The following NXPH1 variants were observed in gnomAD, a reference collection of about 807,000 sequenced individuals.
NXPH1 encodes the protein neurexophilin 1.
NXPH1 carries 5 observed loss-of-function variants against 23.7 expected under a neutral mutation model. That is an observed-to-expected ratio of 0.21 (90% CI 0.11 to 0.44). The LOEUF (loss-of-function observed/expected upper bound fraction) is 0.44, where lower values mean the gene tolerates loss of function less well. Among genes scored for constraint, NXPH1 ranks in the 20% least tolerant of loss-of-function variants. NXPH1 has a pLI of 0.99. For synonymous variants in NXPH1, 144 were observed against 122.2 expected (o/e 1.18, Z -1.18); for missense variants, 324 against 321.6 (o/e 1.01, Z -0.06).
chr7:8,601,990 G>T (rs1480224876), intron 2 of NXPH1, among the ~76,000 whole-genome samples: 1 of 152,034 alleles, frequency 6.6e-6, no homozygotes, highest in Non-Finnish European at 1.5e-5. Flanking sequence ...ATTTTCTTTT[G>T]CCTCCAATCT....
intron 2 of NXPH1, among the ~76,000 whole-genome samples, chr7:8,677,077 T>C (rs1023531668): frequency 6.6e-6 from 1 of 152,184 alleles, no homozygotes; most frequent in African/African-American, 2.4e-5. Context: ...TGATGTCCTG[T>C]CTGATGTATC....
chr7:8,514,806 CT>C (rs1458741363), intron 2 of NXPH1, among the ~76,000 whole-genome samples: 4 of 152,120 alleles, frequency 2.6e-5, no homozygotes, highest in Admixed American at 2.6e-4. Flanking sequence ...CTTCCTGCCC[CT>C]CCACTCACCT....
At chr7:8,555,689 G>A in intron 2 of NXPH1, among the ~76,000 whole-genome samples, 1 of 151,702 alleles carries the variant, frequency 6.6e-6, no homozygotes, top group East Asian at 2.0e-4. Flanking sequence ...AGGACCCTCT[G>A]CTAGAATTTA....
intron 2 of NXPH1, among the ~76,000 whole-genome samples, chr7:8,440,655 T>C (rs1816281838): frequency 1.3e-5 from 2 of 152,104 alleles, no homozygotes; most frequent in African/African-American, 2.4e-5. Context: ...GTAATAACCG[T>C]CGTCGACAAT....
rs756426431 is a variant in NXPH1 at position 8,736,665 on chromosome 7, T to C, written c.55-14343T>C. On this transcript the variant is annotated intron_variant, in intron 2 of 2. Coordinates refer to ENST00000405863, the MANE Select transcript of NXPH1 (RefSeq NM_152745.3). ...TAGGTCCTCTTGGTCCATAGCTGAG[T>C]TCAAGTCCTGAATATCCTTGTTAGT... 1.2e-4 allele frequency among the ~76,000 whole-genome samples: 18 copies of C among 152,198 alleles called. 1 individual carries two copies. Among genetic ancestry groups the C allele is most frequent in the Non-Finnish European group, 2.1e-4 (14 of 68,026 alleles).
chr7:8,514,051 C>CT (rs1034552994), intron 2 of NXPH1, among the ~76,000 whole-genome samples: 14 of 152,044 alleles, frequency 9.2e-5, no homozygotes, highest in African/African-American at 3.4e-4. Context: ...CCAATTGTTC[C>CT]TTTTTATAAA....
intron 2 of NXPH1, among the ~76,000 whole-genome samples, chr7:8,714,123 G>C (rs1159132528): frequency 6.6e-6 from 1 of 152,180 alleles, no homozygotes; most frequent in East Asian, 1.9e-4. Context: ...CTAAACTACT[G>C]CAGCTGAGCT....
At chr7:8,634,936 T>G (rs1357536094) in intron 2 of NXPH1, among the ~76,000 whole-genome samples, 1 of 152,184 alleles carries the variant, frequency 6.6e-6, no homozygotes, top group Non-Finnish European at 1.5e-5. Context: ...CTGTATAACT[T>G]TCTGCTGTGT....
At chr7:8,527,334 G>A (rs1817878687) in intron 2 of NXPH1, among the ~76,000 whole-genome samples, 1 of 152,190 alleles carries the variant, frequency 6.6e-6, no homozygotes, top group Non-Finnish European at 1.5e-5. Flanking sequence ...CATGATGGCT[G>A]GACAGTAGGC....
At position 8,632,531 on chromosome 7, in the gene NXPH1, T is replaced by C. The variant is rs759352024; in HGVS notation, c.55-118477T>C. On this transcript the variant is annotated intron_variant, in intron 2 of 2. Coordinates refer to ENST00000405863, the MANE Select transcript of NXPH1 (RefSeq NM_152745.3). ...GTTATCCTTTGATTTTTCTCACTTA[T>C]ATGCTTAGCGGCTAGTCTTGTCTAT... is the stretch of plus-strand genomic sequence containing the variant. 2.6e-5 allele frequency among the ~76,000 whole-genome samples: 4 copies of C among 152,330 alleles called. No individual in the cohort carries two copies. In the South Asian group the frequency reaches 6.2e-4, roughly 24 times the overall value.
At chr7:8,720,464 A>G (rs138050337) in intron 2 of NXPH1, among the ~76,000 whole-genome samples, 1 of 152,368 alleles carries the variant, frequency 6.6e-6, no homozygotes, top group East Asian at 1.9e-4. Context: ...AATGATAAAC[A>G]CTATGCAAAT....
At chr7:8,580,058 A>G (rs1468784054) in intron 2 of NXPH1, among the ~76,000 whole-genome samples, 1 of 152,242 alleles carries the variant, frequency 6.6e-6, no homozygotes, top group African/African-American at 2.4e-5. Context: ...ACTAAAAAGC[A>G]TAAAATGGGC....
intron 2 of NXPH1, among the ~76,000 whole-genome samples, chr7:8,734,486 T>C (rs762944537): frequency 2.6e-5 from 4 of 152,232 alleles, no homozygotes; most frequent in Non-Finnish European, 5.9e-5. Flanking sequence ...TTTCACAATA[T>C]TGACTCTTCC....
chr7:8,604,647 A>T (rs577403079), intron 2 of NXPH1, among the ~76,000 whole-genome samples: 2 of 152,136 alleles, frequency 1.3e-5, no homozygotes, highest in Admixed American at 1.3e-4. Context: ...ATAATATTTT[A>T]TCATACTATA....
intron 2 of NXPH1, among the ~76,000 whole-genome samples, chr7:8,459,128 A>G (rs1326822630): frequency 2.0e-5 from 3 of 151,740 alleles, no homozygotes; most frequent in African/African-American, 7.3e-5. Flanking sequence ...TAACTTAATG[A>G]ACATCTTGGG....
At chr7:8,736,170 G>A (rs1205955907) in intron 2 of NXPH1, among the ~76,000 whole-genome samples, 1 of 152,194 alleles carries the variant, frequency 6.6e-6, no homozygotes, top group Admixed American at 6.5e-5. Flanking sequence ...TCTTCTGCTA[G>A]CTTTTGAATT....
At chr7:8,590,574 C>T (rs1374680632) in intron 2 of NXPH1, among the ~76,000 whole-genome samples, 1 of 152,078 alleles carries the variant, frequency 6.6e-6, no homozygotes, top group Admixed American at 6.6e-5. Context: ...AAAGCCATCT[C>T]ATTTTTGCAT....
chr7:8,500,310 TTA>T (rs142537266), intron 2 of NXPH1, among the ~76,000 whole-genome samples: 15,021 of 152,078 alleles, frequency 0.099, 963 homozygotes, highest in Non-Finnish European at 0.14. Context: ...GATAATTTCT[TTA>T]TGTTTGGTGT....
rs540535060 is a variant in NXPH1 at position 8,673,042 on chromosome 7, C to T, written c.55-77966C>T. On this transcript the variant is annotated intron_variant, in intron 2 of 2. Transcript: ENST00000405863. Reference sequence around the variant, plus strand: ...CACTGACATAATTTCTGTTACAAAACGAGGTGATATATTGAAAACATCTTA... The same window carrying T: ...CACTGACATAATTTCTGTTACAAAATGAGGTGATATATTGAAAACATCTTA... Among the ~76,000 whole-genome samples, 36 of 152,242 alleles carry T rather than the reference C, an allele frequency of 2.4e-4. 2 individuals are homozygous for T. Among genetic ancestry groups the T allele is most frequent in the African/African-American group, 7.7e-4 (32 of 41,550 alleles).
Sources: gnomAD v4.1 joint callset for allele counts (sites outside exome capture counted in the v4.1 genomes callset) on GRCh38, gnomAD v4.1.1 for gene constraint, MANE v1.5 for transcripts, NCBI Gene and HGNC (gene_info 2026-07-23, HGNC 2026-07-21) for gene names.